THEMIS: variants seen among roughly 807,000 people sequenced by gnomAD.
The protein encoded by THEMIS is thymocyte selection associated.
Under a neutral mutation model 52.6 loss-of-function variants are expected in THEMIS, and 37 were observed. That is an observed-to-expected ratio of 0.70 (90% confidence interval 0.54 to 0.93). The LOEUF (loss-of-function observed/expected upper bound fraction) is 0.93. THEMIS is among the 40% of genes least tolerant of loss of function. The probability of loss-of-function intolerance (pLI) is 0.00; values close to 1 mark genes in which losing one functional copy is unlikely to be tolerated. For missense variants in THEMIS, 808 were observed against 763.1 expected (o/e 1.06, Z -0.69); for synonymous variants, 292 against 272.7 (o/e 1.07, Z -0.70).
At chr6:127,873,304 A>G (rs1276293366) in intron 1 of THEMIS, among the ~76,000 whole-genome samples, 1 of 152,218 alleles carries the variant, frequency 6.6e-6, no homozygotes, top group Non-Finnish European at 1.5e-5. Flanking sequence ...TGAATTGCAT[A>G]TGGAAAGACA....
chr6:127,896,685 T>C (rs1193426199), intron 1 of THEMIS, among the ~76,000 whole-genome samples: 1 of 151,514 alleles, frequency 6.6e-6, no homozygotes. Flanking sequence ...AGAGAACTTG[T>C]TCTAAAGCAG....
intron 3 of THEMIS, among the ~76,000 whole-genome samples, chr6:127,825,078 T>C (rs986982393): frequency 1.3e-5 from 2 of 152,060 alleles, no homozygotes; most frequent in Non-Finnish European, 2.9e-5. Context: ...AAATTAAAAA[T>C]TCATTAAAAC....
At chr6:127,894,544 A>C (rs1053758051) in intron 1 of THEMIS, among the ~76,000 whole-genome samples, 3 of 152,004 alleles carry the variant, frequency 2.0e-5, no homozygotes, top group African/African-American at 7.2e-5. Flanking sequence ...AAACACATTT[A>C]TCAAGAAGCA....
intron 1 of THEMIS, among the ~76,000 whole-genome samples, chr6:127,858,380 AC>A (rs1449058254): frequency 6.6e-6 from 1 of 152,112 alleles, no homozygotes; most frequent in African/African-American, 2.4e-5. Flanking sequence ...ATGTTCTTCA[AC>A]CAAGAAAGCT....
the THEMIS span, among the ~76,000 whole-genome samples, chr6:127,702,123 T>C: frequency 1.3e-5 from 2 of 152,160 alleles, no homozygotes; most frequent in East Asian, 3.9e-4. Context: ...TGTTCATCTA[T>C]AAGAAGTTTT....
chr6:127,883,284 A>C (rs1156834733), intron 1 of THEMIS, among the ~76,000 whole-genome samples: 1 of 151,876 alleles, frequency 6.6e-6, no homozygotes, highest in East Asian at 1.9e-4. Flanking sequence ...AGTTTACTGT[A>C]AGTTTTATCC....
chr6:127,857,432 T>C (rs1779653703), intron 1 of THEMIS, among the ~76,000 whole-genome samples: 1 of 152,006 alleles, frequency 6.6e-6, no homozygotes, highest in Admixed American at 6.6e-5. Context: ...AGTACTTTGT[T>C]ATGTCTAAAA....
intron 1 of THEMIS, among the ~76,000 whole-genome samples, chr6:127,878,207 TGGTATAAGAATCTTGTGAACCCAACATG>T (rs1780372724): frequency 6.6e-6 from 1 of 152,168 alleles, no homozygotes. Context: ...TCTTGCAAAG[TGGTATAAGAATCTTGTGAACCCAACATG>T]GGCCCTATGC....
the THEMIS span, among the ~76,000 whole-genome samples, chr6:127,698,573 T>A: frequency 6.6e-6 from 1 of 152,106 alleles, no homozygotes; most frequent in Non-Finnish European, 1.5e-5. Flanking sequence ...CCTGTTATAA[T>A]GTTTATCCTT....
intron 2 of THEMIS, among the ~76,000 whole-genome samples, chr6:127,835,576 T>C (rs1372348319): frequency 6.6e-6 from 1 of 152,198 alleles, no homozygotes; most frequent in Non-Finnish European, 1.5e-5. Context: ...TCTCCTCATT[T>C]GCCTTTACCC....
At chr6:127,785,385 C>T (rs1348031866) in intron 4 of THEMIS, among the ~76,000 whole-genome samples, 3 of 151,792 alleles carry the variant, frequency 2.0e-5, no homozygotes, top group Non-Finnish European at 4.4e-5. Flanking sequence ...ATACTTTCTG[C>T]AGCACACCAA....
intron 1 of THEMIS, among the ~76,000 whole-genome samples, chr6:127,895,937 C>T (rs1780953040): frequency 6.6e-6 from 1 of 151,142 alleles, no homozygotes; most frequent in Non-Finnish European, 1.5e-5. Context: ...CAATATTATT[C>T]CCTAAAAGAG....
At chr6:127,909,430 A>G (rs1478816827) in intron 1 of THEMIS, among the ~76,000 whole-genome samples, 1 of 152,028 alleles carries the variant, frequency 6.6e-6, no homozygotes, top group Non-Finnish European at 1.5e-5. Flanking sequence ...ATGGTTTTAT[A>G]AGGAGCTTCC....
chr6:127,867,324 A>G (rs1231980095), intron 1 of THEMIS, among the ~76,000 whole-genome samples: 1 of 152,120 alleles, frequency 6.6e-6, no homozygotes, highest in Non-Finnish European at 1.5e-5. Flanking sequence ...AGTTGCTTAA[A>G]CAACAAAAGA....
At chr6:127,855,719 A>G (rs1054835172) in intron 1 of THEMIS, among the ~76,000 whole-genome samples, 11 of 151,984 alleles carry the variant, frequency 7.2e-5, no homozygotes, top group African/African-American at 2.7e-4. Flanking sequence ...GGTTTTTGAC[A>G]AGCTAGAAAC....
intron 2 of THEMIS, among the ~76,000 whole-genome samples, chr6:127,840,083 T>C (rs189483511): frequency 1.3e-5 from 2 of 152,214 alleles, no homozygotes; most frequent in East Asian, 1.9e-4. Flanking sequence ...GCAGTTAGAT[T>C]GGCCCCCTCA....
At chr6:127,789,243 A>G (rs1338910644) in intron 4 of THEMIS, among the ~76,000 whole-genome samples, 1 of 152,208 alleles carries the variant, frequency 6.6e-6, no homozygotes, top group Non-Finnish European at 1.5e-5. Flanking sequence ...AATACTATAA[A>G]CACCTCTATG....
rs765711082 is a variant in THEMIS, at chr6:127,813,937, A to C, written c.710-6T>G. The C allele has an allele frequency of 6.6e-7, 1 of 1,523,184 alleles. No homozygotes were observed. Among genetic ancestry groups the C allele is most frequent in the South Asian group, 1.3e-5 (1 of 75,332 alleles). 94.4% of individuals were successfully genotyped at this position (1,523,184 alleles called of 1,614,324 possible). A position where few individuals can be genotyped will look rare whatever the true frequency, so the allele number is the denominator to read the frequency against. ...GCGGATTATATCTTTTCGAACTAAA[A>C]AGAAAAAATAAATCACTATGATATT... is the stretch of plus-strand genomic sequence containing the variant. On this transcript the variant is annotated splice_region_variant and splice_polypyrimidine_tract_variant and intron_variant, in intron 3 of 5. Transcript: ENST00000368248.
At chr6:127,860,124 G>A (rs996175321) in intron 1 of THEMIS, among the ~76,000 whole-genome samples, 1 of 152,122 alleles carries the variant, frequency 6.6e-6, no homozygotes, top group African/African-American at 2.4e-5. Flanking sequence ...AAGAGGCCAT[G>A]GTTGCAATAG....
Sources: allele counts gnomAD v4.1 joint callset (sites outside exome capture counted in the v4.1 genomes callset), GRCh38; gene constraint gnomAD v4.1.1; transcripts MANE v1.5; gene names NCBI Gene and HGNC (gene_info 2026-07-23, HGNC 2026-07-21).